ABI1: variants seen among roughly 807,000 people sequenced by gnomAD.
ABI1 encodes the protein Abelson interactor 1.
In ABI1, 14 loss-of-function variants were observed where a neutral mutation model predicts 54.6. The observed-to-expected ratio is 0.26, with a 90% CI of 0.17 to 0.40. The LOEUF is 0.40. Ranked by LOEUF, ABI1 falls within the 10% of genes least tolerant of loss-of-function variation. ABI1 has a pLI of 1.00. For synonymous variants in ABI1, 194 were observed against 209.3 expected, an observed-to-expected ratio of 0.93 and a Z score of 0.63; for missense variants, 443 against 598.3, an observed-to-expected ratio of 0.74 and a Z score of 2.71.
chr10:26,793,315 T>C (rs1043167755), intron 2 of ABI1, among the ~76,000 whole-genome samples: 9 of 152,248 alleles, frequency 5.9e-5, no homozygotes, highest in African/African-American at 2.2e-4. Context: ...AATGGCCTTA[T>C]GCCCAAAATT....
At chr10:26,799,342 T>C (rs912456434) in intron 2 of ABI1, among the ~76,000 whole-genome samples, 1 of 152,174 alleles carries the variant, frequency 6.6e-6, no homozygotes, top group African/African-American at 2.4e-5. Flanking sequence ...TCCATAATTA[T>C]GCTGCATTTT....
At chr10:26,779,282 T>C (rs1841821341) in intron 2 of ABI1, among the ~76,000 whole-genome samples, 1 of 152,222 alleles carries the variant, frequency 6.6e-6, no homozygotes, top group Non-Finnish European at 1.5e-5. Context: ...TCCACTTTAG[T>C]GCCTGTGAAT....
At position 26,825,343 on chromosome 10, in the gene ABI1, C is replaced by T. The variant is rs2048240971; in HGVS notation, c.118-2038G>A. 2.6e-5 allele frequency among the ~76,000 whole-genome samples: 4 copies of T among 151,814 alleles called. No individual in the cohort carries two copies. In the South Asian group the frequency reaches 8.3e-4, roughly 32 times the overall value. On this transcript the variant is annotated intron_variant, in intron 1 of 10. Coordinates refer to ENST00000376140, the MANE Select transcript of ABI1 (RefSeq NM_001012750.3). ...GAGTTTGAGGACAGCCTGGGCAACACAGTGAGACCCTGTCTCTGAAAAAAA... is the reference window on the plus strand; with the variant it reads ...GAGTTTGAGGACAGCCTGGGCAACATAGTGAGACCCTGTCTCTGAAAAAAA...
At chr10:26,793,627 A>G (rs1443565417) in intron 2 of ABI1, among the ~76,000 whole-genome samples, 4 of 152,188 alleles carry the variant, frequency 2.6e-5, no homozygotes, top group Non-Finnish European at 5.9e-5. Flanking sequence ...ACAAACTACT[A>G]AATACTCTAT....
At chr10:26,760,933 GT>G (rs573922166) in intron 7 of ABI1, among the ~76,000 whole-genome samples, 9 of 127,934 alleles carry the variant, frequency 7.0e-5, no homozygotes, top group South Asian at 2.5e-4. Context: ...GCCTTTAACT[GT>G]TTTTTTTTTA....
At chr10:26,827,099 G>C (rs964760891) in intron 1 of ABI1, among the ~76,000 whole-genome samples, 2 of 151,832 alleles carry the variant, frequency 1.3e-5, no homozygotes, top group African/African-American at 4.8e-5. Context: ...ATTTTTAGTA[G>C]AGACAGGATT....
At chr10:26,850,143 G>GAT (rs1386665421) in intron 1 of ABI1, among the ~76,000 whole-genome samples, 1 of 152,162 alleles carries the variant, frequency 6.6e-6, no homozygotes, top group Non-Finnish European at 1.5e-5. Flanking sequence ...TGCAGAAGCA[G>GAT]ATATAAGAAT....
At chr10:26,835,212 A>C (rs890968411) in intron 1 of ABI1, among the ~76,000 whole-genome samples, 1 of 152,128 alleles carries the variant, frequency 6.6e-6, no homozygotes, top group Admixed American at 6.5e-5. Flanking sequence ...AAAGGGGAAT[A>C]CCCATACCCT....
At chr10:26,758,930 C>G (rs1838730609) in intron 8 of ABI1, 132 bp downstream of exon 8, 1 of 971,942 alleles carries the variant, frequency 1.0e-6, no homozygotes, top group Admixed American at 2.8e-5. Flanking sequence ...GGACTAATAT[C>G]CTAAAACAAA....
chr10:26,747,568 A>G lies in ABI1; in HGVS notation c.*1002T>C, dbSNP rs1388260328. 2 of 202,628 alleles carry G rather than the reference A, an allele frequency of 9.9e-6. No homozygotes were observed. Among genetic ancestry groups the G allele is most frequent in the Non-Finnish European group, 1.0e-5 (1 of 98,734 alleles). The allele number at this position is 202,628 out of a possible 1,614,324, so 12.6% of individuals were successfully genotyped here. A position where few individuals can be genotyped will look rare whatever the true frequency, so the allele number is the denominator to read the frequency against. On this transcript the variant is annotated 3_prime_UTR_variant, in exon 11 of 11. Coordinates refer to ENST00000376140, the MANE Select transcript of ABI1 (RefSeq NM_001012750.3). The stretch of plus-strand genomic sequence containing the variant: ...TCATTGAACCAGTGTACAACAGTTC[A>G]CTGTACAACTGAAGGACTGACATGG...
At chr10:26,839,899 G>A (rs10829092) in intron 1 of ABI1, 146,934 of 614,588 alleles carry the variant, frequency 0.24, 20,325 homozygotes, top group South Asian at 0.43. Context: ...CTAAGGCAAG[G>A]GAACTGCTGG....
intron 2 of ABI1, among the ~76,000 whole-genome samples, chr10:26,778,976 C>A (rs1160582362): frequency 1.3e-5 from 2 of 152,188 alleles, no homozygotes; most frequent in African/African-American, 4.8e-5. Context: ...CAAATGCCGA[C>A]ACTCTGGCTA....
At chr10:26,810,966 T>C (rs1427038234) in intron 2 of ABI1, among the ~76,000 whole-genome samples, 1 of 151,810 alleles carries the variant, frequency 6.6e-6, no homozygotes, top group Non-Finnish European at 1.5e-5. Flanking sequence ...GGAAAGAAAA[T>C]ACAAAGGAAG....
intron 1 of ABI1, among the ~76,000 whole-genome samples, chr10:26,836,362 C>T (rs1341381081): frequency 6.6e-6 from 1 of 152,178 alleles, no homozygotes; most frequent in Non-Finnish European, 1.5e-5. Context: ...ATCCACCTGC[C>T]TCAGCCTCCC....
intron 2 of ABI1, among the ~76,000 whole-genome samples, chr10:26,781,391 C>T (rs1210384165): frequency 1.3e-5 from 2 of 152,252 alleles, no homozygotes; most frequent in Admixed American, 1.3e-4. Flanking sequence ...AAAGTCTGAT[C>T]TTACATTCTG....
At position 26,746,778 on chromosome 10, in the gene ABI1, T is replaced by C; in HGVS notation, c.*1792A>G. The C allele has an allele frequency of 2.4e-6, 1 of 411,364 alleles. No homozygotes were observed. Among genetic ancestry groups the C allele is most frequent in the Non-Finnish European group, 4.5e-6 (1 of 220,548 alleles). 25.5% of individuals were successfully genotyped at this position (411,364 alleles called of 1,614,324 possible). ...CATGTAAGGCCATTACACAAATAAA[T>C]AACCAATGTTAAAATTCAAATGGTT... On this transcript the variant is annotated 3_prime_UTR_variant, in exon 11 of 11. Coordinates refer to ENST00000376140, the MANE Select transcript of ABI1 (RefSeq NM_001012750.3).
At chr10:26,774,427 C>G (rs904320958) in intron 3 of ABI1, among the ~76,000 whole-genome samples, 1 of 152,124 alleles carries the variant, frequency 6.6e-6, no homozygotes, top group Non-Finnish European at 1.5e-5. Context: ...AGTATTCAAG[C>G]CTTCTCTATT....
chr10:26,843,732 G>A (rs2049765561), intron 1 of ABI1, among the ~76,000 whole-genome samples: 1 of 135,550 alleles, frequency 7.4e-6, no homozygotes, highest in Admixed American at 7.3e-5. Flanking sequence ...GGGCAAGGTA[G>A]GAGAGGTAGG....
intron 2 of ABI1, among the ~76,000 whole-genome samples, chr10:26,796,494 T>C (rs1466113710): frequency 3.3e-5 from 5 of 152,126 alleles, no homozygotes; most frequent in Admixed American, 6.5e-5. Flanking sequence ...GGCTGTACCA[T>C]AGGGCCTAGG....
Sources: allele counts gnomAD v4.1 joint callset (sites outside exome capture counted in the v4.1 genomes callset), GRCh38; gene constraint gnomAD v4.1.1; transcripts MANE v1.5; gene names NCBI Gene and HGNC (gene_info 2026-07-23, HGNC 2026-07-21).